KRABD2: variants seen among roughly 807,000 people sequenced by gnomAD.
KRABD2 encodes KRAB domain-containing protein 2.
At chr17:8,371,668 T>C in the KRABD2 span, 7 of 1,409,652 alleles carry the variant, frequency 5.0e-6, no homozygotes, top group Non-Finnish European at 6.5e-6. Flanking sequence ...GGTCTGTTGG[T>C]CTGGCCAGTT....
chr17:8,375,247 G>A, the KRABD2 span, among the ~76,000 whole-genome samples: 166 of 152,208 alleles, frequency 1.1e-3, no homozygotes, highest in Middle Eastern at 3.4e-3. Context: ...TCCTGACCTC[G>A]TGATCCACCC....
the KRABD2 span, among the ~76,000 whole-genome samples, chr17:8,367,898 C>A: frequency 2.0e-5 from 3 of 150,002 alleles, no homozygotes; most frequent in Non-Finnish European, 4.4e-5. Flanking sequence ...CTGCCAAATC[C>A]CCCTCTGCAA....
the KRABD2 span, among the ~76,000 whole-genome samples, chr17:8,365,105 C>A: frequency 2.0e-5 from 3 of 152,110 alleles, no homozygotes; most frequent in Non-Finnish European, 4.4e-5. Flanking sequence ...TGTGGCACAC[C>A]GGTTAGTGAC....
At chr17:8,376,472 G>A in the KRABD2 span, 4 of 1,014,472 alleles carry the variant, frequency 3.9e-6, no homozygotes, top group Non-Finnish European at 4.7e-6. Context: ...TTATTCCTGA[G>A]GACCGGGCTG....
chr17:8,370,331 C>T, the KRABD2 span: 12 of 1,606,690 alleles, frequency 7.5e-6, no homozygotes, highest in African/African-American at 1.3e-5. Context: ...CATTTGAAAC[C>T]CCAGGTGGAT....
chr17:8,371,467 C>T, the KRABD2 span: 5 of 1,613,644 alleles, frequency 3.1e-6, no homozygotes, highest in Admixed American at 1.7e-5. Flanking sequence ...AGTCTTGGGG[C>T]CTGGGCTAAA....
the KRABD2 span, among the ~76,000 whole-genome samples, chr17:8,374,479 A>C: frequency 2.5e-4 from 38 of 152,180 alleles, no homozygotes; most frequent in African/African-American, 8.4e-4. Context: ...CCAGGGACAC[A>C]AACACTGCGG....
At chr17:8,370,224 A>C in the KRABD2 span, 2 of 1,613,170 alleles carry the variant, frequency 1.2e-6, no homozygotes, top group South Asian at 1.1e-5. Flanking sequence ...TTCTTTGGAA[A>C]ATACCTTGCT....
the KRABD2 span, among the ~76,000 whole-genome samples, chr17:8,363,835 ATATATATATATATATATATATATATATT>A: frequency 8.0e-5 from 4 of 50,176 alleles, no homozygotes; most frequent in Non-Finnish European, 1.2e-4. Flanking sequence ...TCATACATAT[ATATATATATATATATATATATATATATT>A]TATTTATTTA....
At chr17:8,376,141 C>A in the KRABD2 span, 29 of 1,231,524 alleles carry the variant, frequency 2.4e-5, no homozygotes, top group Non-Finnish European at 2.9e-5. Flanking sequence ...CCTGCCTGTA[C>A]CCCCTTTGGA....
the KRABD2 span, among the ~76,000 whole-genome samples, chr17:8,362,575 C>T: frequency 1.3e-5 from 2 of 152,180 alleles, no homozygotes; most frequent in Non-Finnish European, 2.9e-5. The surrounding 1 kb of genome is among the most constrained non-coding windows in gnomAD (Gnocchi z 4.2). Flanking sequence ...CCTCTAAACT[C>T]GGTGGCTTGA....
At chr17:8,370,311 A>G in the KRABD2 span, 2 of 1,610,948 alleles carry the variant, frequency 1.2e-6, no homozygotes, top group Non-Finnish European at 1.7e-6. Context: ...CTCCATTTCC[A>G]TTTCACTTGC....
the KRABD2 span, among the ~76,000 whole-genome samples, chr17:8,368,277 G>C: frequency 1.3e-5 from 2 of 152,144 alleles, no homozygotes; most frequent in Non-Finnish European, 2.9e-5. Context: ...CTTTACAAGA[G>C]ACAGGAAAGA....
chr17:8,369,923 T>A, the KRABD2 span: 1 of 1,614,244 alleles, frequency 6.2e-7, no homozygotes, highest in Non-Finnish European at 8.5e-7. Flanking sequence ...GAGTCAGATA[T>A]AAGACAATAA....
the KRABD2 span, among the ~76,000 whole-genome samples, chr17:8,362,487 G>A: frequency 6.6e-6 from 1 of 152,312 alleles, no homozygotes; most frequent in African/African-American, 2.4e-5. The surrounding 1 kb of genome is among the most constrained non-coding windows in gnomAD (Gnocchi z 4.2). Context: ...GCCTGTCCTG[G>A]GGGAATGGAG....
chr17:8,366,128 C>A, the KRABD2 span, among the ~76,000 whole-genome samples: 1 of 149,442 alleles, frequency 6.7e-6, no homozygotes, highest in Non-Finnish European at 1.5e-5. Flanking sequence ...GACTCCATCT[C>A]AAAAAAAAAA....
At chr17:8,376,286 G>T in the KRABD2 span, 1 of 1,228,276 alleles carries the variant, frequency 8.1e-7, no homozygotes, top group Non-Finnish European at 1.0e-6. Flanking sequence ...TTCATTTGCT[G>T]ACTCTTATCA....
At chr17:8,368,804 T>G in the KRABD2 span, 1 of 220,362 alleles carries the variant, frequency 4.5e-6, no homozygotes, top group Non-Finnish European at 9.0e-6. Flanking sequence ...GCCTGGCTAA[T>G]TTCTATATTT....
the KRABD2 span, among the ~76,000 whole-genome samples, chr17:8,364,416 G>A: frequency 5.9e-5 from 9 of 152,166 alleles, no homozygotes; most frequent in East Asian, 1.2e-3. The surrounding 1 kb of genome is among the most constrained non-coding windows in gnomAD (Gnocchi z 4.4). Context: ...GTGGTGATAC[G>A]ATCATGGCTC....
Sources: gnomAD v4.1 joint callset for allele counts (sites outside exome capture counted in the v4.1 genomes callset) on GRCh38, gnomAD v4.1.1 for gene constraint, Gnocchi (gnomAD v3.1) non-coding constraint, MANE v1.5 for transcripts, NCBI Gene and HGNC (gene_info 2026-07-23, HGNC 2026-07-21) for gene names.